The following WWTR1 variants were observed in gnomAD, a reference collection of about 807,000 sequenced individuals.
WWTR1 encodes the protein WW domain-containing transcription regulator protein 1.
In WWTR1, 13 loss-of-function variants were observed where a neutral mutation model predicts 40.1. The observed-to-expected ratio is 0.32, with a 90% CI of 0.21 to 0.52. The LOEUF (loss-of-function observed/expected upper bound fraction) is 0.52, where lower values mean the gene tolerates loss of function less well. Among genes scored for constraint, WWTR1 ranks in the 20% least tolerant of loss-of-function variants. The pLI, the probability that WWTR1 is intolerant of heterozygous loss-of-function variation, is 0.97. For synonymous variants in WWTR1, 230 were observed against 210.1 expected, an observed-to-expected ratio of 1.09 and a Z score of -0.82; for missense variants, 436 against 523.1, an observed-to-expected ratio of 0.83 and a Z score of 1.63.
intron 1 of WWTR1, among the ~76,000 whole-genome samples, chr3:149,681,473 G>A (rs1714456142): frequency 6.6e-6 from 1 of 152,170 alleles, no homozygotes; most frequent in South Asian, 2.1e-4. Flanking sequence ...CCATCTGTAT[G>A]TCTTTATTTG....
chr3:149,541,014 C>T (rs760561684), intron 4 of WWTR1: 5 of 456,112 alleles, frequency 1.1e-5, no homozygotes, highest in South Asian at 7.8e-5. Context: ...ACAGCATTTA[C>T]CCTAACATGC....
At chr3:149,574,035 T>A (rs1737768577) in intron 2 of WWTR1, among the ~76,000 whole-genome samples, 1 of 152,092 alleles carries the variant, frequency 6.6e-6, no homozygotes, top group East Asian at 1.9e-4. Context: ...CTTCTCCTTC[T>A]TTTTTGTTTT....
intron 4 of WWTR1, among the ~76,000 whole-genome samples, chr3:149,536,128 C>T (rs1009435166): frequency 2.0e-5 from 3 of 152,130 alleles, no homozygotes; most frequent in Non-Finnish European, 4.4e-5. Flanking sequence ...GCAAATAAAA[C>T]GCTTGACACA....
rs1186196400 is a variant in WWTR1 at position 149,520,838 on chromosome 3, C to T, written c.1170G>A (p.Leu390=). 2 of 1,607,534 alleles carry T rather than the reference C, an allele frequency of 1.2e-6. No individual in the cohort carries two copies. The highest frequency in any genetic ancestry group is 1.7e-6 in the Non-Finnish European group (2 of 1,177,876). The change falls in exon 7 of 7, where the codon CTG becomes CTA. Residue 390 remains leucine (L), a synonymous_variant. Coordinates refer to ENST00000360632, the MANE Select transcript of WWTR1 (RefSeq NM_015472.6). ...IPLFNDVESA[L]NKSEPFLTWL ...AGGTTAGAAAGGGCTCACTTTTGTT[C>T]AGAGCAGACTCTACATCATTGAAGA...
chr3:149,593,360 T>C (rs2108034916), intron 2 of WWTR1, among the ~76,000 whole-genome samples: 1 of 152,284 alleles, frequency 6.6e-6, no homozygotes, highest in African/African-American at 2.4e-5. Flanking sequence ...TTTAATTGAT[T>C]GTACATGCCC....
intron 2 of WWTR1, among the ~76,000 whole-genome samples, chr3:149,620,119 G>A (rs755663826): frequency 9.2e-5 from 14 of 152,094 alleles, no homozygotes; most frequent in Non-Finnish European, 1.5e-4. Flanking sequence ...AGGTGTTTTC[G>A]TATCATCTCA....
intron 3 of WWTR1, among the ~76,000 whole-genome samples, chr3:149,569,612 T>A (rs193210160): frequency 6.6e-6 from 1 of 152,330 alleles, no homozygotes; most frequent in Non-Finnish European, 1.5e-5. Context: ...ACTGATTATA[T>A]CACGGCTCTA....
intron 4 of WWTR1, among the ~76,000 whole-genome samples, chr3:149,528,179 T>C (rs2034128040): frequency 6.6e-6 from 1 of 152,196 alleles, no homozygotes; most frequent in Non-Finnish European, 1.5e-5. Context: ...AATGGGAAGC[T>C]CAGCTATTAT....
intron 2 of WWTR1, among the ~76,000 whole-genome samples, chr3:149,573,762 C>T (rs2107999550): frequency 6.6e-6 from 1 of 152,286 alleles, no homozygotes; most frequent in Non-Finnish European, 1.5e-5. Flanking sequence ...GACTTAATCA[C>T]AGAGAAACTA....
intron 2 of WWTR1, among the ~76,000 whole-genome samples, chr3:149,645,289 C>CA (rs1712445863): frequency 6.6e-6 from 1 of 151,844 alleles, no homozygotes; most frequent in Non-Finnish European, 1.5e-5. Flanking sequence ...CCGTGTTAGC[C>CA]AGGATGGTCT....
At chr3:149,561,247 C>G (rs756416389) in intron 3 of WWTR1, among the ~76,000 whole-genome samples, 13 of 151,756 alleles carry the variant, frequency 8.6e-5, no homozygotes, top group Non-Finnish European at 1.8e-4. Context: ...AATAAATTCA[C>G]AAAAGGACTA....
intron 2 of WWTR1, among the ~76,000 whole-genome samples, chr3:149,639,215 T>A (rs562256447): frequency 2.1e-3 from 320 of 152,194 alleles, no homozygotes; most frequent in African/African-American, 6.5e-3. Flanking sequence ...TGGAAAAAAA[T>A]ATATATATAC....
At chr3:149,586,052 GATTT>G (rs1271694099) in intron 2 of WWTR1, among the ~76,000 whole-genome samples, 1 of 152,094 alleles carries the variant, frequency 6.6e-6, no homozygotes. Context: ...ATACATGATT[GATTT>G]AATTTTTTAC....
chr3:149,524,173 G>C (rs1735182910), intron 6 of WWTR1, among the ~76,000 whole-genome samples: 1 of 152,200 alleles, frequency 6.6e-6, no homozygotes, highest in Non-Finnish European at 1.5e-5. Flanking sequence ...GAATGGAGAA[G>C]CAAGGATTCA....
chr3:149,680,560 C>A (rs562536428), intron 1 of WWTR1, among the ~76,000 whole-genome samples: 39 of 132,002 alleles, frequency 3.0e-4, no homozygotes, highest in South Asian at 1.4e-3. Flanking sequence ...AACCAACCAA[C>A]CAAACAAACA....
At chr3:149,707,464 T>C (rs1473428346), upstream of WWTR1, among the ~76,000 whole-genome samples, 2 of 152,264 alleles carry the variant, frequency 1.3e-5, no homozygotes, top group African/African-American at 4.8e-5. Flanking sequence ...AACTAAGAAA[T>C]ATCTTCACGA....
intron 1 of WWTR1, chr3:149,703,023 CT>C (rs1317323657): frequency 1.3e-5 from 2 of 152,156 alleles, no homozygotes; most frequent in Admixed American, 1.3e-4. Context: ...GAGTTAATTC[CT>C]TGCTTATCTT....
intron 2 of WWTR1, among the ~76,000 whole-genome samples, chr3:149,617,369 T>C (rs1740029603): frequency 6.6e-6 from 1 of 152,204 alleles, no homozygotes; most frequent in African/African-American, 2.4e-5. Context: ...GATAAGTCAA[T>C]GCACACACAG....
chr3:149,596,801 T>C (rs1048452246), intron 2 of WWTR1, among the ~76,000 whole-genome samples: 1 of 152,258 alleles, frequency 6.6e-6, no homozygotes, highest in Non-Finnish European at 1.5e-5. Context: ...TCTACATCTA[T>C]ACAGTGGAGA....
Sources: gnomAD v4.1 joint callset for allele counts (sites outside exome capture counted in the v4.1 genomes callset) on GRCh38, gnomAD v4.1.1 for gene constraint, MANE v1.5 for transcripts, NCBI Gene and HGNC (gene_info 2026-07-23, HGNC 2026-07-21) for gene names.